USH2A: variants seen among roughly 807,000 people sequenced by gnomAD.
USH2A encodes Usher syndrome 2A (autosomal recessive, mild).
USH2A carries 443 observed loss-of-function variants against 538.9 expected under a neutral mutation model. That is an observed-to-expected ratio of 0.82 (90% confidence interval 0.76 to 0.89). The LOEUF (loss-of-function observed/expected upper bound fraction) is 0.89, where lower values mean the gene tolerates loss of function less well. Among genes scored for constraint, USH2A ranks in the 40% least tolerant of loss-of-function variants. The pLI is 0.00. For synonymous variants in USH2A, 2,413 were observed against 2,273.5 expected, an observed-to-expected ratio of 1.06 and a Z score of -1.75; for missense variants, 6,633 against 6,324.8, an observed-to-expected ratio of 1.05 and a Z score of -1.65.
At chr1:216,035,915 T>C (rs1356757103) in intron 32 of USH2A, among the ~76,000 whole-genome samples, 1 of 152,198 alleles carries the variant, frequency 6.6e-6, no homozygotes, top group Admixed American at 6.5e-5. Context: ...TGCACTTACA[T>C]TCTTATTTTT....
chr1:216,084,609 G>A (rs1478766617), intron 25 of USH2A, 89 bp downstream of exon 25: 2 of 1,433,404 alleles, frequency 1.4e-6, no homozygotes, highest in African/African-American at 2.8e-5. Flanking sequence ...TTCATATGAG[G>A]TCAAGTTAAT....
intron 21 of USH2A, among the ~76,000 whole-genome samples, chr1:216,133,019 A>T (rs1465378845): frequency 2.0e-5 from 3 of 152,142 alleles, no homozygotes; most frequent in Non-Finnish European, 4.4e-5. Context: ...AGCCCTGCTG[A>T]GTGCAATGTT....
intron 17 of USH2A, 93 bp downstream of exon 17, chr1:216,199,534 G>C: frequency 6.4e-7 from 1 of 1,564,312 alleles, no homozygotes; most frequent in Non-Finnish European, 8.8e-7. Context: ...GTTATAAAAA[G>C]GAATACAACT....
intron 35 of USH2A, among the ~76,000 whole-genome samples, chr1:215,972,051 T>C (rs1033797015): frequency 1.3e-5 from 2 of 152,284 alleles, no homozygotes; most frequent in South Asian, 4.1e-4. Context: ...AGGTGATTCA[T>C]CTGACGTCCG....
intron 61 of USH2A, among the ~76,000 whole-genome samples, chr1:215,718,303 TG>T (rs1039378867): frequency 2.6e-5 from 4 of 152,244 alleles, no homozygotes; most frequent in Non-Finnish European, 5.9e-5. Flanking sequence ...ATCTTTTCAC[TG>T]TTCGGCATAA....
At chr1:216,328,227 C>T (rs1262003244) in intron 4 of USH2A, among the ~76,000 whole-genome samples, 2 of 152,118 alleles carry the variant, frequency 1.3e-5, no homozygotes, top group African/African-American at 4.8e-5. Flanking sequence ...TATCATAGTT[C>T]ACTCTCAGAA....
intron 30 of USH2A, among the ~76,000 whole-genome samples, chr1:216,060,919 C>G (rs922364334): frequency 2.6e-5 from 4 of 152,198 alleles, no homozygotes; most frequent in African/African-American, 4.8e-5. Context: ...GTTAACAGGG[C>G]TGCAGGAAAA....
intron 71 of USH2A, among the ~76,000 whole-genome samples, chr1:215,626,201 A>G (rs1656017351): frequency 6.6e-6 from 1 of 150,974 alleles, no homozygotes; most frequent in African/African-American, 2.4e-5. Flanking sequence ...CTTGATAAAA[A>G]TAAATTAGCT....
intron 44 of USH2A, among the ~76,000 whole-genome samples, chr1:215,848,947 C>T (rs1264550745): frequency 5.3e-5 from 8 of 152,136 alleles, no homozygotes; most frequent in African/African-American, 1.9e-4. Flanking sequence ...ACAGAAGATA[C>T]ATCTTCAGTT....
At chr1:216,378,996 T>C (rs1055145938) in intron 3 of USH2A, among the ~76,000 whole-genome samples, 1 of 152,186 alleles carries the variant, frequency 6.6e-6, no homozygotes, top group African/African-American at 2.4e-5. Context: ...ATACAACTTA[T>C]TTTTTAGCCA....
At chr1:216,082,528 T>C (rs887551642) in intron 26 of USH2A, among the ~76,000 whole-genome samples, 3 of 152,024 alleles carry the variant, frequency 2.0e-5, no homozygotes, top group Non-Finnish European at 4.4e-5. Context: ...ATTTGTCTAT[T>C]TGCCTAGAAA....
chr1:215,669,672 C>G (rs2102660002), intron 64 of USH2A, among the ~76,000 whole-genome samples: 1 of 152,204 alleles, frequency 6.6e-6, no homozygotes, highest in South Asian at 2.1e-4. Flanking sequence ...CAAGAAAATA[C>G]TTTTAAGAGA....
chr1:216,179,213 A>C (rs970781932), intron 20 of USH2A, among the ~76,000 whole-genome samples: 3 of 152,158 alleles, frequency 2.0e-5, no homozygotes, highest in African/African-American at 7.2e-5. Flanking sequence ...ACAGGAATAT[A>C]GATTAAGAGT....
chr1:216,348,643 C>T (rs2038222304), intron 4 of USH2A, among the ~76,000 whole-genome samples: 1 of 151,900 alleles, frequency 6.6e-6, no homozygotes, highest in African/African-American at 2.4e-5. Context: ...GTAATCAGGC[C>T]AAGTATAAGA....
intron 4 of USH2A, among the ~76,000 whole-genome samples, chr1:216,355,108 G>C (rs2102695610): frequency 6.6e-6 from 1 of 151,952 alleles, no homozygotes; most frequent in Admixed American, 6.6e-5. Context: ...AGGAGTTCGA[G>C]ACCAGCCTGG....
At position 215,879,047 on chromosome 1, in the gene USH2A, T is replaced by A. The variant is rs373609391; in HGVS notation, c.8275A>T (p.Ile2759Phe). Residue 2759 changes from isoleucine (I) to phenylalanine (F), a missense_variant, in exon 42 of 72, where the codon ATT becomes TTT. Transcript: ENST00000307340. Reference protein sequence around the residue: ...IQNGDILSYEIHMPDPHITLT... With the variant: ...IQNGDILSYEFHMPDPHITLT... The stretch of plus-strand genomic sequence containing the variant: ...GTGATGTGAGGGTCAGGCATGTGAA[T>A]CTCATAGCTAAGTATGTCTCCGTTC... The A allele has an allele frequency of 1.2e-6, 2 of 1,614,062 alleles. No individual in the cohort carries two copies.
intron 9 of USH2A, among the ~76,000 whole-genome samples, chr1:216,310,152 G>C (rs1450085286): frequency 6.6e-6 from 1 of 151,898 alleles, no homozygotes; most frequent in Non-Finnish European, 1.5e-5. Context: ...GTAGTTACTG[G>C]CATAGTTGGA....
chr1:215,960,490 A>G (rs1038415775), intron 37 of USH2A, among the ~76,000 whole-genome samples: 2 of 152,120 alleles, frequency 1.3e-5, no homozygotes, highest in African/African-American at 4.8e-5. Context: ...GGAGTTGACT[A>G]TTCACCTGTG....
intron 61 of USH2A, among the ~76,000 whole-genome samples, chr1:215,692,777 A>G (rs547257452): frequency 3.5e-4 from 53 of 152,270 alleles, no homozygotes; most frequent in African/African-American, 1.2e-3. Context: ...ATTACTTTTC[A>G]TAAACTGGAC....
Sources: gnomAD v4.1 joint callset for allele counts (sites outside exome capture counted in the v4.1 genomes callset) on GRCh38, gnomAD v4.1.1 for gene constraint, MANE v1.5 for transcripts, NCBI Gene and HGNC (gene_info 2026-07-23, HGNC 2026-07-21) for gene names.